Variants in SPECC1 observed in about 807,000 individuals in gnomAD.
The protein encoded by SPECC1 is cytospin-B.
A neutral mutation model predicts 104.1 loss-of-function variants in SPECC1; 62 were observed. The observed-to-expected ratio is 0.60, with a 90% confidence interval of 0.49 to 0.74. The LOEUF is 0.74. Among genes scored for constraint, SPECC1 ranks in the 30% least tolerant of loss-of-function variants. The pLI is 0.00. For missense variants in SPECC1, 1,306 were observed against 1,310.5 expected (o/e 1.00, Z 0.05); for synonymous variants, 513 against 501.6 (o/e 1.02, Z -0.30).
chr17:20,080,472 G>T (rs1567828853), intron 1 of SPECC1, among the ~76,000 whole-genome samples: 1 of 152,120 alleles, frequency 6.6e-6, no homozygotes, highest in Non-Finnish European at 1.5e-5. Context: ...GCCACATCTG[G>T]TTGCTACAGT....
intron 14 of SPECC1, among the ~76,000 whole-genome samples, chr17:20,312,493 G>T (rs911577763): frequency 6.6e-6 from 1 of 152,186 alleles, no homozygotes; most frequent in African/African-American, 2.4e-5. Context: ...CCATAATACA[G>T]AGGAAAGTGT....
At chr17:20,281,500 G>A (rs138911332) in intron 12 of SPECC1, among the ~76,000 whole-genome samples, 171 of 152,302 alleles carry the variant, frequency 1.1e-3, no homozygotes, top group African/African-American at 3.8e-3. Context: ...CTCACACATG[G>A]AGGGCTTTGG....
chr17:20,183,170 C>T (rs1002099644), intron 3 of SPECC1, among the ~76,000 whole-genome samples: 3 of 152,134 alleles, frequency 2.0e-5, no homozygotes, highest in Admixed American at 2.0e-4. Flanking sequence ...GAGAAATGCA[C>T]ATCAAAAGAA....
chr17:20,127,092 T>A (rs1203069043), intron 3 of SPECC1, among the ~76,000 whole-genome samples: 1 of 152,262 alleles, frequency 6.6e-6, no homozygotes, highest in African/African-American at 2.4e-5. Context: ...ATGTTTCTTT[T>A]CTTCAACTAT....
chr17:20,201,003 T>G (rs967481221), intron 3 of SPECC1, among the ~76,000 whole-genome samples: 2 of 151,836 alleles, frequency 1.3e-5, no homozygotes, highest in African/African-American at 4.8e-5. Context: ...TTTTTAAAAA[T>G]TCCTAGTAGT....
chr17:20,215,817 C>T (rs1291825779), intron 4 of SPECC1, among the ~76,000 whole-genome samples: 1 of 152,136 alleles, frequency 6.6e-6, no homozygotes, highest in Admixed American at 6.5e-5. Flanking sequence ...TCTCTTTAGT[C>T]TACAGTCTCT....
In SPECC1 at chr17:20,161,548, GTT is replaced by G. The variant is rs1185389693; in HGVS notation, c.284-42783_284-42782del. On this transcript the variant is annotated intron_variant, in intron 3 of 14. Transcript: ENST00000395527. ...TATTTAATGGAGAACCAGGTAGTATGTTTAGATTTATAGAGAAGACAGTGGCA... is the reference window on the plus strand; with the variant it reads ...TATTTAATGGAGAACCAGGTAGTATGTAGATTTATAGAGAAGACAGTGGCA... Among the ~76,000 whole-genome samples, 4 of 152,304 alleles carry G rather than the reference GTT, an allele frequency of 2.6e-5. No individual in the cohort carries two copies. The South Asian group carries it at 8.3e-4, about 32-fold the overall frequency.
At chr17:20,289,546 A>G (rs560594359) in intron 12 of SPECC1, among the ~76,000 whole-genome samples, 37 of 152,278 alleles carry the variant, frequency 2.4e-4, no homozygotes, top group African/African-American at 8.2e-4. Context: ...CAAGTGATCC[A>G]TCCGCCTAGG....
At chr17:20,208,295 TATC>T (rs2036914050) in intron 4 of SPECC1, among the ~76,000 whole-genome samples, 1 of 152,244 alleles carries the variant, frequency 6.6e-6, no homozygotes, top group African/African-American at 2.4e-5. Flanking sequence ...CTTGTATATC[TATC>T]AAGACCCTAG....
chr17:20,246,488 G>A (rs535456664), intron 8 of SPECC1, among the ~76,000 whole-genome samples: 10 of 152,086 alleles, frequency 6.6e-5, no homozygotes, highest in East Asian at 1.9e-4. Context: ...AGGCACCCCT[G>A]GCCATCCCCA....
chr17:20,209,328 AAGCTATTTACAAAAGG>A (rs748331290), intron 4 of SPECC1, among the ~76,000 whole-genome samples: 4 of 152,156 alleles, frequency 2.6e-5, no homozygotes, highest in Non-Finnish European at 4.4e-5. Flanking sequence ...AGGATACAAT[AAGCTATTTACAAAAGG>A]GGAAAGTGGT....
At chr17:20,275,379 A>G (rs981819832) in intron 12 of SPECC1, among the ~76,000 whole-genome samples, 2 of 152,070 alleles carry the variant, frequency 1.3e-5, no homozygotes, top group African/African-American at 4.8e-5. Context: ...TTTTGTTATG[A>G]TGTTAGTGAG....
rs186931080 is a variant in SPECC1 at position 20,133,627 on chromosome 17, C to T, written c.283+23065C>T. On this transcript the variant is annotated intron_variant, in intron 3 of 14. Coordinates refer to ENST00000395527, the MANE Select transcript of SPECC1 (RefSeq NM_001243439.2). ...TTAGTATTGCAAACTACTCCTCGGC[C>T]ACCATGGCTCCTGTTGCAAACACTG... Among the ~76,000 whole-genome samples the T allele has an allele frequency of 1.1e-3, 172 of 152,220 alleles. 1 individual carries two copies. Among genetic ancestry groups the T allele is most frequent in the Admixed American group, 4.1e-3 (63 of 15,284 alleles).
intron 1 of SPECC1, among the ~76,000 whole-genome samples, chr17:20,013,924 A>G (rs2044028511): frequency 6.6e-6 from 1 of 152,208 alleles, no homozygotes; most frequent in African/African-American, 2.4e-5. Context: ...TAGTAAGTAC[A>G]TGAACACTCT....
chr17:20,056,016 C>T (rs190261514), intron 1 of SPECC1, among the ~76,000 whole-genome samples: 1 of 152,312 alleles, frequency 6.6e-6, no homozygotes, highest in East Asian at 1.9e-4. Flanking sequence ...AATGATGTGT[C>T]TGGGATTTCT....
At chr17:20,260,619 A>G (rs532004424) in intron 12 of SPECC1, among the ~76,000 whole-genome samples, 1 of 152,206 alleles carries the variant, frequency 6.6e-6, no homozygotes, top group Non-Finnish European at 1.5e-5. Flanking sequence ...TGTCAATGCG[A>G]TAGAAATTGT....
At chr17:20,165,703 G>A (rs552892093) in intron 3 of SPECC1, among the ~76,000 whole-genome samples, 1 of 152,250 alleles carries the variant, frequency 6.6e-6, no homozygotes, top group Non-Finnish European at 1.5e-5. Flanking sequence ...CCTCACCAGC[G>A]TCTGTTGTTT....
At chr17:20,156,146 G>A (rs1020655391) in intron 3 of SPECC1, 2 of 1,429,206 alleles carry the variant, frequency 1.4e-6, no homozygotes, top group Non-Finnish European at 1.8e-6. Context: ...TCGGCACGGT[G>A]GACACCCGGT....
At chr17:20,065,722 CTT>C (rs1257414513) in intron 1 of SPECC1, among the ~76,000 whole-genome samples, 1 of 152,184 alleles carries the variant, frequency 6.6e-6, no homozygotes, top group Admixed American at 6.5e-5. Context: ...CTCTTCAAGA[CTT>C]TTCTTGGTCT....
Sources: allele counts gnomAD v4.1 joint callset (sites outside exome capture counted in the v4.1 genomes callset), GRCh38; gene constraint gnomAD v4.1.1; transcripts MANE v1.5; gene names NCBI Gene and HGNC (gene_info 2026-07-23, HGNC 2026-07-21).